The following RASA3 variants were observed in gnomAD, a reference collection of about 807,000 sequenced individuals.
RASA3 encodes the protein RAS p21 protein activator 3, also known as ras GTPase-activating protein 3.
A neutral mutation model predicts 110.0 loss-of-function variants in RASA3; 73 were observed. The observed-to-expected ratio is 0.66, with a 90% CI of 0.55 to 0.81. RASA3 has a LOEUF of 0.81. Ranked by LOEUF, RASA3 falls within the 30% of genes least tolerant of loss-of-function variation. RASA3 has a pLI of 0.00. For missense variants in RASA3, 976 were observed against 1,113.2 expected (o/e 0.88, Z 1.75); for synonymous variants, 500 against 451.4 (o/e 1.11, Z -1.37).
intron 1 of RASA3, among the ~76,000 whole-genome samples, chr13:114,087,628 G>T (rs2139703693): frequency 6.6e-6 from 1 of 152,358 alleles, no homozygotes; most frequent in Admixed American, 6.5e-5. Flanking sequence ...GAACGAGCCT[G>T]CCTCAGAGCC....
chr13:113,979,132 G>A lies in RASA3; in HGVS notation c.*215C>T, dbSNP rs1346517144. On this transcript the variant is annotated 3_prime_UTR_variant, in exon 24 of 24. Coordinates refer to ENST00000334062, the MANE Select transcript of RASA3 (RefSeq NM_007368.4). The stretch of plus-strand genomic sequence containing the variant: ...AGCAAAAAGCACAGAATCAAATGAC[G>A]ACACGTTCCACAGGGCCAGGTGGGC... 6.9e-6 allele frequency: 4 copies of A among 577,010 alleles called. No homozygotes were observed. The highest frequency in any genetic ancestry group is 3.0e-5 in the Admixed American group (1 of 32,878). 35.7% of individuals were successfully genotyped at this position (577,010 alleles called of 1,614,324 possible).
At position 114,046,214 on chromosome 13, in the gene RASA3, A is replaced by C. The variant is rs369271247; in HGVS notation, c.278-5120T>G. ...GACTGCGTGGTATTGGCATGAGGAC[A>C]GGTGGATCAATATGACACACAGCAG... is the stretch of plus-strand genomic sequence containing the variant. On this transcript the variant is annotated intron_variant, in intron 3 of 23. Coordinates refer to ENST00000334062, the MANE Select transcript of RASA3 (RefSeq NM_007368.4). Among the ~76,000 whole-genome samples, 20 of 152,388 alleles carry C rather than the reference A, an allele frequency of 1.3e-4. No individual in the cohort carries two copies. The East Asian group carries it at 2.7e-3, about 21-fold the overall frequency.
intron 1 of RASA3, among the ~76,000 whole-genome samples, chr13:114,098,087 CAG>C (rs2079969308): frequency 6.6e-6 from 1 of 152,232 alleles, no homozygotes; most frequent in Non-Finnish European, 1.5e-5. Flanking sequence ...GCTGCCAGCA[CAG>C]AGAGGCCCAA....
intron 21 of RASA3, among the ~76,000 whole-genome samples, chr13:113,995,653 GCCCAGCTGACGGAGGA>G (rs2053217643): frequency 5.0e-5 from 7 of 139,562 alleles, no homozygotes; most frequent in African/African-American, 1.6e-4. Flanking sequence ...CTGACGGGGG[GCCCAGCTGACGGAGGA>G]CCCAGCTGAT....
intron 22 of RASA3, among the ~76,000 whole-genome samples, chr13:113,991,667 G>A (rs1013758691): frequency 6.6e-6 from 1 of 152,146 alleles, no homozygotes; most frequent in African/African-American, 2.4e-5. Context: ...GATACATACT[G>A]CATATAGATT....
intron 1 of RASA3, among the ~76,000 whole-genome samples, chr13:114,109,835 G>C (rs974695734): frequency 5.3e-5 from 8 of 152,218 alleles, no homozygotes; most frequent in African/African-American, 7.2e-5. Context: ...CTCTTTGACC[G>C]GGGGTGGCCT....
intron 1 of RASA3, among the ~76,000 whole-genome samples, chr13:114,116,739 CGT>C (rs2080280177): frequency 6.6e-6 from 1 of 151,728 alleles, no homozygotes; most frequent in African/African-American, 2.4e-5. Context: ...TGGGTGAGCA[CGT>C]GTGTGAGGGG....
chr13:114,109,360 C>G (rs1416751466), intron 1 of RASA3, among the ~76,000 whole-genome samples: 1 of 152,152 alleles, frequency 6.6e-6, no homozygotes, highest in Non-Finnish European at 1.5e-5. Context: ...TGCGTGGTTC[C>G]CAGTCCAAAC....
chr13:114,089,000 C>G (rs921898015), intron 1 of RASA3, among the ~76,000 whole-genome samples: 1 of 152,104 alleles, frequency 6.6e-6, no homozygotes, highest in Non-Finnish European at 1.5e-5. Context: ...ATTACCAGCA[C>G]AGCGGTGCAG....
chr13:114,094,830 T>C (rs1164908289), intron 1 of RASA3, among the ~76,000 whole-genome samples: 2 of 152,246 alleles, frequency 1.3e-5, no homozygotes, highest in Non-Finnish European at 2.9e-5. Flanking sequence ...CACGTTTAGA[T>C]ATGTGCACAG....
chr13:114,121,034 C>T (rs1459378055), intron 1 of RASA3, among the ~76,000 whole-genome samples: 5 of 152,186 alleles, frequency 3.3e-5, no homozygotes, highest in South Asian at 2.1e-4. Flanking sequence ...CCTAAGAGAA[C>T]AGGTCAGTGA....
chr13:114,034,878 G>A (rs1038889430), intron 4 of RASA3, among the ~76,000 whole-genome samples: 3 of 152,170 alleles, frequency 2.0e-5, no homozygotes, highest in African/African-American at 7.2e-5. Context: ...GACTAGAGCA[G>A]AAGGGAGATC....
At chr13:114,010,991 G>A (rs1483602149) in intron 16 of RASA3, among the ~76,000 whole-genome samples, 180 bp downstream of exon 16, 15 of 152,148 alleles carry the variant, frequency 9.9e-5, no homozygotes, top group Non-Finnish European at 1.9e-4. Flanking sequence ...TAGGAGGGGA[G>A]AGGTGAGCGG....
intron 4 of RASA3, among the ~76,000 whole-genome samples, chr13:114,036,656 A>G (rs940209945): frequency 6.6e-6 from 1 of 150,454 alleles, no homozygotes; most frequent in South Asian, 2.1e-4. Flanking sequence ...TCCTGCCTCA[A>G]CCTCCGGAGT....
intron 21 of RASA3, among the ~76,000 whole-genome samples, chr13:113,993,610 C>T (rs372415282): frequency 9.9e-5 from 15 of 151,308 alleles, no homozygotes. Flanking sequence ...GAGTTCAAGA[C>T]CATCCTGGCC....
chr13:113,994,110 A>G (rs113896690), intron 21 of RASA3, among the ~76,000 whole-genome samples: 1,949 of 152,326 alleles, frequency 0.013, 14 homozygotes, highest in Non-Finnish European at 0.019. Context: ...AATTTTTTCC[A>G]TACTGATTAG....
At chr13:114,100,487 G>C (rs962799565) in intron 1 of RASA3, among the ~76,000 whole-genome samples, 2 of 152,240 alleles carry the variant, frequency 1.3e-5, no homozygotes, top group Non-Finnish European at 2.9e-5. Context: ...GTGATGCTCA[G>C]AGCAGCCAGG....
intron 8 of RASA3, 116 bp downstream of exon 8, chr13:114,024,163 A>G: frequency 9.1e-7 from 1 of 1,100,732 alleles, no homozygotes; most frequent in Non-Finnish European, 1.4e-6. Context: ...GAAAATTACC[A>G]AGAAAATGGA....
intron 1 of RASA3, among the ~76,000 whole-genome samples, chr13:114,078,779 G>T (rs1235994751): frequency 1.3e-5 from 2 of 152,252 alleles, no homozygotes; most frequent in Non-Finnish European, 2.9e-5. Flanking sequence ...CACCCTCAGG[G>T]TGAGCACAGG....
Sources: gnomAD v4.1 joint callset for allele counts (sites outside exome capture counted in the v4.1 genomes callset) on GRCh38, gnomAD v4.1.1 for gene constraint, MANE v1.5 for transcripts, NCBI Gene and HGNC (gene_info 2026-07-23, HGNC 2026-07-21) for gene names.